Variants in MROH9 observed in about 807,000 individuals in gnomAD.
The protein encoded by MROH9 is maestro heat-like repeat-containing protein family member 9.
A neutral mutation model predicts 98.2 loss-of-function variants in MROH9; 92 were observed. That is an observed-to-expected ratio of 0.94 (90% CI 0.79 to 1.11). MROH9 has a LOEUF of 1.11. MROH9 is among the 50% of genes most tolerant of loss of function. The pLI is 0.00. For synonymous variants in MROH9, 397 were observed against 368.9 expected, an observed-to-expected ratio of 1.08 and a Z score of -0.87; for missense variants, 1,057 against 1,014.8, an observed-to-expected ratio of 1.04 and a Z score of -0.57.
chr1:171,042,955 A>T (rs1653354507), intron 20 of MROH9, among the ~76,000 whole-genome samples: 1 of 151,910 alleles, frequency 6.6e-6, no homozygotes, highest in Non-Finnish European at 1.5e-5. Context: ...CACTTTGTTG[A>T]TTGCTTCCTT....
chr1:170,982,354 G>A (rs983432137), intron 8 of MROH9, among the ~76,000 whole-genome samples: 1 of 152,108 alleles, frequency 6.6e-6, no homozygotes, highest in Non-Finnish European at 1.5e-5. Context: ...CCAAAAAAGA[G>A]TATATATGGT....
chr1:170,958,344 G>C, intron 3 of MROH9, 117 bp from the exon 4 acceptor site: 1 of 513,720 alleles, frequency 1.9e-6, no homozygotes, highest in Non-Finnish European at 3.5e-6. Flanking sequence ...ATGTTTTCCA[G>C]TCTGATTTGG....
At chr1:171,010,972 C>T (rs902390045) in intron 15 of MROH9, among the ~76,000 whole-genome samples, 3 of 152,272 alleles carry the variant, frequency 2.0e-5, no homozygotes, top group South Asian at 2.1e-4. Flanking sequence ...TCAATTGTGG[C>T]TTTTGTTACC....
chr1:170,990,709 G>T lies in MROH9; in HGVS notation c.1028+706G>T, dbSNP rs191412417. ...GAGGACTTGGGCTTTGGAAACAAAT[G>T]AATCTGTTTCCATCAACTTTGACCC... On this transcript the variant is annotated intron_variant, in intron 11 of 21. Coordinates refer to ENST00000367759, the MANE Select transcript of MROH9 (RefSeq NM_001163629.2). 1.7e-3 allele frequency among the ~76,000 whole-genome samples: 259 copies of T among 152,228 alleles called. 1 individual carries two copies. The highest frequency in any genetic ancestry group is 5.8e-3 in the African/African-American group (243 of 41,540).
At chr1:171,002,044 A>T (rs905603379) in intron 15 of MROH9, among the ~76,000 whole-genome samples, 1 of 152,138 alleles carries the variant, frequency 6.6e-6, no homozygotes, top group Admixed American at 6.5e-5. Flanking sequence ...ATTTTGTCTG[A>T]TATAAGAATA....
At chr1:171,040,418 G>T (rs903017285) in intron 20 of MROH9, among the ~76,000 whole-genome samples, 7 of 152,074 alleles carry the variant, frequency 4.6e-5, no homozygotes, top group African/African-American at 1.7e-4. Context: ...ACATTTGTGT[G>T]TGTTACACAC....
chr1:170,951,805 C>T (rs910771635), intron 3 of MROH9, among the ~76,000 whole-genome samples: 1 of 152,040 alleles, frequency 6.6e-6, no homozygotes, highest in African/African-American at 2.4e-5. Flanking sequence ...AAACAATGAC[C>T]ATCTGAAAAT....
intron 8 of MROH9, among the ~76,000 whole-genome samples, chr1:170,982,300 G>A (rs1213155983): frequency 6.6e-6 from 1 of 152,076 alleles, no homozygotes; most frequent in Non-Finnish European, 1.5e-5. Context: ...ACGAAAACAT[G>A]GATGAATCTC....
chr1:171,053,690 T>C (rs1380198380), intron 20 of MROH9, among the ~76,000 whole-genome samples: 1 of 152,182 alleles, frequency 6.6e-6, no homozygotes, highest in African/African-American at 2.4e-5. Flanking sequence ...ATATGATTAA[T>C]GTATTCAAAA....
At chr1:170,948,930 A>G (rs982780221) in intron 3 of MROH9, among the ~76,000 whole-genome samples, 16 of 152,122 alleles carry the variant, frequency 1.1e-4, no homozygotes, top group African/African-American at 3.9e-4. Context: ...AGCAGATTCT[A>G]AAATAACACT....
chr1:171,016,453 CT>C, intron 17 of MROH9, 117 bp downstream of exon 17: 1 of 725,102 alleles, frequency 1.4e-6, no homozygotes, highest in Non-Finnish European at 2.0e-6. Context: ...GCCACCATTT[CT>C]TTTACAGAGA....
chr1:170,965,009 G>A, intron 6 of MROH9, 142 bp from the exon 7 acceptor site: 1 of 572,524 alleles, frequency 1.7e-6, no homozygotes, highest in Admixed American at 3.2e-5. Context: ...TATTGTCTGT[G>A]TTTTTGAGAT....
chr1:171,038,599 C>A (rs747638823), intron 20 of MROH9, among the ~76,000 whole-genome samples: 1 of 152,136 alleles, frequency 6.6e-6, no homozygotes, highest in Non-Finnish European at 1.5e-5. Context: ...TAGCATGTGG[C>A]TTTTATCCTT....
At chr1:171,056,465 G>A (rs1653840028) in intron 20 of MROH9, among the ~76,000 whole-genome samples, 1 of 152,156 alleles carries the variant, frequency 6.6e-6, no homozygotes, top group Admixed American at 6.5e-5. Flanking sequence ...TCTAACCAGA[G>A]GCTCAGGGAC....
At chr1:170,985,219 G>A (rs1000676294) in intron 9 of MROH9, among the ~76,000 whole-genome samples, 3 of 152,048 alleles carry the variant, frequency 2.0e-5, no homozygotes, top group African/African-American at 7.2e-5. Context: ...ACTCAAAATG[G>A]CACCATTATT....
chr1:170,944,726 C>A (rs11266740), intron 1 of MROH9, among the ~76,000 whole-genome samples: 1 of 151,654 alleles, frequency 6.6e-6, no homozygotes. Flanking sequence ...GTTCATAATC[C>A]ACTATGATGA....
chr1:170,963,135 G>GA (rs56361336), intron 6 of MROH9, among the ~76,000 whole-genome samples: 125 of 141,828 alleles, frequency 8.8e-4, no homozygotes, highest in Middle Eastern at 3.6e-3. Context: ...AAGTTTACAA[G>GA]AAAAAAAAAA....
chr1:171,009,135 G>A (rs1353325214), intron 15 of MROH9, among the ~76,000 whole-genome samples: 1 of 151,784 alleles, frequency 6.6e-6, no homozygotes, highest in African/African-American at 2.4e-5. Flanking sequence ...AAGGACATGG[G>A]AGTAATAGGG....
chr1:170,989,597 C>T (rs1355544286), intron 10 of MROH9, among the ~76,000 whole-genome samples: 1 of 152,190 alleles, frequency 6.6e-6, no homozygotes, highest in Non-Finnish European at 1.5e-5. Flanking sequence ...ATGAATTCAA[C>T]CCTCCCAAAA....
Sources: allele counts gnomAD v4.1 joint callset (sites outside exome capture counted in the v4.1 genomes callset), GRCh38; gene constraint gnomAD v4.1.1; transcripts MANE v1.5; gene names NCBI Gene and HGNC (gene_info 2026-07-23, HGNC 2026-07-21).